The following AUTS2 variants were observed in gnomAD, a reference collection of about 807,000 sequenced individuals.
AUTS2 encodes autism susceptibility gene 2 protein.
In AUTS2, 17 loss-of-function variants were observed where a neutral mutation model predicts 112.4. The observed-to-expected ratio is 0.15, with a 90% CI of 0.10 to 0.23. The LOEUF (loss-of-function observed/expected upper bound fraction) is 0.23. Ranked by LOEUF, AUTS2 falls within the 10% of genes least tolerant of loss-of-function variation. The probability of loss-of-function intolerance (pLI) is 1.00; values close to 1 mark genes in which losing one functional copy is unlikely to be tolerated. For synonymous variants in AUTS2, 751 were observed against 702.7 expected, an observed-to-expected ratio of 1.07 and a Z score of -1.09; for missense variants, 1,510 against 1,701.6, an observed-to-expected ratio of 0.89 and a Z score of 1.98.
intron 2 of AUTS2, among the ~76,000 whole-genome samples, chr7:70,106,726 T>C (rs917888774): frequency 6.6e-6 from 1 of 152,104 alleles, no homozygotes; most frequent in African/African-American, 2.4e-5. Context: ...TCTTATACCA[T>C]CTCCATAGAA....
chr7:70,148,399 A>G (rs982480944), intron 4 of AUTS2, among the ~76,000 whole-genome samples: 4 of 152,168 alleles, frequency 2.6e-5, no homozygotes, highest in Non-Finnish European at 5.9e-5. Context: ...ACTCAAAACA[A>G]TCATCCTTCA....
chr7:70,519,124 T>G (rs1314747096), intron 5 of AUTS2, among the ~76,000 whole-genome samples: 1 of 152,214 alleles, frequency 6.6e-6, no homozygotes, highest in East Asian at 1.9e-4. Context: ...ACATCTACTC[T>G]GTATCTTCTT....
chr7:69,796,501 C>T (rs1031534948), intron 1 of AUTS2, among the ~76,000 whole-genome samples: 38 of 145,836 alleles, frequency 2.6e-4, no homozygotes, highest in Admixed American at 4.9e-4. Flanking sequence ...CCAGCCTAGG[C>T]GACAGAGTGA....
intron 2 of AUTS2, among the ~76,000 whole-genome samples, chr7:70,103,908 T>G (rs2129570030): frequency 6.9e-6 from 1 of 145,470 alleles, no homozygotes; most frequent in East Asian, 2.0e-4. Context: ...AGACTCCATC[T>G]CAAAAAAAAA....
At chr7:70,182,720 A>G (rs535522470) in intron 4 of AUTS2, among the ~76,000 whole-genome samples, 1 of 152,140 alleles carries the variant, frequency 6.6e-6, no homozygotes, top group Admixed American at 6.5e-5. Context: ...CGGGATCCTT[A>G]CCACATCAAA....
intron 5 of AUTS2, among the ~76,000 whole-genome samples, chr7:70,462,696 C>T (rs1307179577): frequency 1.3e-5 from 2 of 152,094 alleles, no homozygotes; most frequent in Non-Finnish European, 2.9e-5. Flanking sequence ...GTGGCTCACA[C>T]CTGTAATCCC....
intron 4 of AUTS2, among the ~76,000 whole-genome samples, chr7:70,276,985 G>A (rs1035321090): frequency 1.3e-5 from 2 of 152,192 alleles, no homozygotes; most frequent in Non-Finnish European, 2.9e-5. Flanking sequence ...AGGCAGGATA[G>A]CAACAGGGCA....
intron 1 of AUTS2, among the ~76,000 whole-genome samples, chr7:69,863,564 T>C (rs1305141385): frequency 6.6e-6 from 1 of 152,214 alleles, no homozygotes; most frequent in African/African-American, 2.4e-5. Flanking sequence ...CAGATTCTCA[T>C]AGTCTCCAAA....
chr7:70,780,474 C>G (rs1282367677), intron 14 of AUTS2, among the ~76,000 whole-genome samples: 1 of 151,192 alleles, frequency 6.6e-6, no homozygotes, highest in Non-Finnish European at 1.5e-5. Context: ...CTCCTAGGTT[C>G]AAGCAATTCT....
chr7:69,744,278 A>C (rs1054605697), intron 1 of AUTS2, among the ~76,000 whole-genome samples: 5 of 152,170 alleles, frequency 3.3e-5, no homozygotes, highest in African/African-American at 7.2e-5. Flanking sequence ...ATTTATGTAC[A>C]AATCTTTGTG....
At chr7:69,661,987 T>C (rs568569912) in intron 1 of AUTS2, among the ~76,000 whole-genome samples, 1 of 152,312 alleles carries the variant, frequency 6.6e-6, no homozygotes, top group South Asian at 2.1e-4. Flanking sequence ...TGATTTGAAA[T>C]GCTTTCACAG....
At chr7:70,113,870 A>G (rs1048367709) in intron 2 of AUTS2, among the ~76,000 whole-genome samples, 24 of 152,238 alleles carry the variant, frequency 1.6e-4, no homozygotes, top group Middle Eastern at 3.2e-3. Context: ...CTATACCTTC[A>G]TGCAGTCTAG....
intron 1 of AUTS2, among the ~76,000 whole-genome samples, chr7:69,601,568 G>A (rs1054289733): frequency 5.9e-5 from 9 of 152,006 alleles, no homozygotes; most frequent in African/African-American, 2.2e-4. Context: ...GGTGGTGGTG[G>A]TGGTGGTGCA....
At chr7:69,751,120 G>A (rs1787720686) in intron 1 of AUTS2, among the ~76,000 whole-genome samples, 1 of 152,188 alleles carries the variant, frequency 6.6e-6, no homozygotes, top group African/African-American at 2.4e-5. Context: ...TGTTTTGGGT[G>A]TGTGAGTTAA....
Position 70,094,345 on chromosome 7 carries a change from CT to C in AUTS2, c.523-23786del, listed in dbSNP as rs561176592. ...GTCCTGGGACAGGTATTCATGAACT[CT>C]GTTAACAATTAAGGAAGTAAGTTCC... On this transcript the variant is annotated intron_variant, in intron 2 of 18. Coordinates refer to ENST00000342771, the MANE Select transcript of AUTS2 (RefSeq NM_015570.4). Among the ~76,000 whole-genome samples, 17 of 152,320 alleles carry C rather than the reference CT, an allele frequency of 1.1e-4. 1 individual carries two copies. In the South Asian group the frequency reaches 3.5e-3, roughly 32 times the overall value.
At chr7:69,734,291 GC>G in intron 1 of AUTS2, among the ~76,000 whole-genome samples, 1 of 150,784 alleles carries the variant, frequency 6.6e-6, no homozygotes, top group Non-Finnish European at 1.5e-5. Context: ...TTGAAGGGCT[GC>G]CATTTTTCTG....
chr7:69,803,269 G>A (rs1790162410), intron 1 of AUTS2, among the ~76,000 whole-genome samples: 1 of 152,198 alleles, frequency 6.6e-6, no homozygotes, highest in African/African-American at 2.4e-5. Flanking sequence ...GATCAGCTCT[G>A]AAGTGCACCA....
chr7:70,206,785 C>T (rs1810596072), intron 4 of AUTS2, among the ~76,000 whole-genome samples: 1 of 152,170 alleles, frequency 6.6e-6, no homozygotes, highest in South Asian at 2.1e-4. Flanking sequence ...AACAATTGAT[C>T]TGGGACTTGG....
At chr7:70,773,037 C>A (rs1460694596) in intron 11 of AUTS2, among the ~76,000 whole-genome samples, 1 of 152,228 alleles carries the variant, frequency 6.6e-6, no homozygotes, top group Non-Finnish European at 1.5e-5. Context: ...CTTTCCAGGC[C>A]ATCGTCCTGA....
Sources: gnomAD v4.1 joint callset for allele counts (sites outside exome capture counted in the v4.1 genomes callset) on GRCh38, gnomAD v4.1.1 for gene constraint, MANE v1.5 for transcripts, NCBI Gene and HGNC (gene_info 2026-07-23, HGNC 2026-07-21) for gene names.